Variants in KIFC3 observed in about 807,000 individuals in gnomAD.
KIFC3 encodes the protein kinesin-like protein KIFC3.
KIFC3 carries 60 observed loss-of-function variants against 101.8 expected under a neutral mutation model. The observed-to-expected ratio is 0.59, with a 90% CI of 0.48 to 0.73. The LOEUF (loss-of-function observed/expected upper bound fraction) is 0.73. Among genes scored for constraint, KIFC3 ranks in the 30% least tolerant of loss-of-function variants. The pLI, the probability that KIFC3 is intolerant of heterozygous loss-of-function variation, is 0.00. For missense variants in KIFC3, 966 were observed against 1,137.1 expected (o/e 0.85, Z 2.16); for synonymous variants, 476 against 482.7 (o/e 0.99, Z 0.18).
Position 57,761,162 on chromosome 16 carries a change from ACT to A in KIFC3, c.1880_1881del (p.Glu627ValfsTer5). 1 of 1,613,842 alleles carries A rather than the reference ACT, an allele frequency of 6.2e-7. No homozygotes were observed. The highest frequency in any genetic ancestry group is 8.5e-7 in the Non-Finnish European group (1 of 1,179,928). ...QSVDDINKVF[E>X]FGHTNRTTEF... is the part of the protein sequence containing the mutation. ...TCGGTCGTGCGATTAGTGTGGCCAA[ACT>A]CAAACACCTGGGGGATTGGGAGGAG... On this transcript the variant is annotated frameshift_variant, in exon 15 of 20. Coordinates refer to ENST00000445690, the MANE Select transcript of KIFC3 (RefSeq NM_001130100.2). LOFTEE classifies it high-confidence loss of function.
intron 1 of KIFC3, among the ~76,000 whole-genome samples, chr16:57,841,765 G>A (rs914492660): frequency 2.0e-5 from 3 of 152,102 alleles, no homozygotes; most frequent in Non-Finnish European, 2.9e-5. Context: ...TCAAATGCGC[G>A]TTGCCCTCAG....
chr16:57,764,498 C>T, intron 11 of KIFC3: 1 of 509,720 alleles, frequency 2.0e-6, no homozygotes, highest in Non-Finnish European at 3.6e-6. Context: ...GCTCCTCCTG[C>T]TCTCTCTCAA....
chr16:57,805,710 CTG>C (rs2054921480), upstream of KIFC3, among the ~76,000 whole-genome samples: 2 of 139,202 alleles, frequency 1.4e-5, no homozygotes, highest in Non-Finnish European at 3.0e-5. Flanking sequence ...GAGTCTCACT[CTG>C]TTGCCCAGGC....
intron 1 of KIFC3, among the ~76,000 whole-genome samples, chr16:57,824,796 A>C (rs1414200953): frequency 6.6e-6 from 1 of 152,046 alleles, no homozygotes; most frequent in Non-Finnish European, 1.5e-5. Context: ...CCAGCCCTGC[A>C]CCCCCGGTAC....
upstream of KIFC3, chr16:57,802,657 C>T (rs1157700992): frequency 3.0e-6 from 3 of 1,003,824 alleles, no homozygotes; most frequent in Non-Finnish European, 3.9e-6. This position sits in a 1 kb window ranked among gnomAD's most constrained non-coding sequence, Gnocchi z 5.0. Flanking sequence ...GGCACTCCCA[C>T]TCCCACTCCC....
At chr16:57,827,804 G>T (rs972380217) in intron 1 of KIFC3, among the ~76,000 whole-genome samples, 2 of 152,206 alleles carry the variant, frequency 1.3e-5, no homozygotes, top group African/African-American at 2.4e-5. Flanking sequence ...GTTCTAGAAG[G>T]TTCCATCCTG....
In KIFC3 at chr16:57,802,418, G is replaced by A; in HGVS notation, c.-88C>T. ...GGCGTCGCCGCAGCGCCCGGGGCTC[G>A]GCCCGGCCCGGCCCGCCGGCAGGAG... On this transcript the variant is annotated 5_prime_UTR_variant, in exon 1 of 20. Coordinates refer to ENST00000445690, the MANE Select transcript of KIFC3 (RefSeq NM_001130100.2). This position sits in a 1 kb window ranked among gnomAD's most constrained non-coding sequence, Gnocchi z 5.0. 2 of 982,708 alleles carry A rather than the reference G, an allele frequency of 2.0e-6. No individual in the cohort carries two copies. The highest frequency in any genetic ancestry group is 4.7e-5 in the South Asian group (1 of 21,366). The allele number at this position is 982,708 out of a possible 1,614,324, so 60.9% of individuals were successfully genotyped here.
At chr16:57,814,721 G>C (rs1237712230) in intron 1 of KIFC3, among the ~76,000 whole-genome samples, 3 of 152,012 alleles carry the variant, frequency 2.0e-5, no homozygotes, top group East Asian at 3.9e-4. Context: ...TGCCTCCCAG[G>C]TTCAAGCAAT....
intron 12 of KIFC3, 101 bp from the exon 13 acceptor site, chr16:57,762,371 C>T: frequency 7.8e-7 from 1 of 1,276,428 alleles, no homozygotes; most frequent in Non-Finnish European, 1.0e-6. Flanking sequence ...CACAAGCAAG[C>T]CTCCTTGCCC....
At chr16:57,802,949 G>A (rs2054835247), upstream of KIFC3, 1 of 1,533,292 alleles carries the variant, frequency 6.5e-7, no homozygotes, top group Non-Finnish European at 8.7e-7. The surrounding 1 kb of genome is among the most constrained non-coding windows in gnomAD (Gnocchi z 5.0). Context: ...ACACACACAA[G>A]CTCTTACTCA....
At chr16:57,859,018 A>G (rs2056238545) in intron 1 of KIFC3, among the ~76,000 whole-genome samples, 1 of 152,264 alleles carries the variant, frequency 6.6e-6, no homozygotes, top group Non-Finnish European at 1.5e-5. Context: ...ATGTATATGA[A>G]GACAGACAAA....
chr16:57,860,434 C>T (rs995164937), intron 1 of KIFC3, among the ~76,000 whole-genome samples: 10 of 152,108 alleles, frequency 6.6e-5, no homozygotes, highest in African/African-American at 2.4e-4. Flanking sequence ...GCCTGGGCAA[C>T]AGGAGTGAAA....
At chr16:57,856,188 A>G (rs60591917) in intron 1 of KIFC3, among the ~76,000 whole-genome samples, 3 of 151,442 alleles carry the variant, frequency 2.0e-5, no homozygotes, top group African/African-American at 7.3e-5. Flanking sequence ...TTAAAAAAAA[A>G]GAAAAAAAAA....
rs528343209 is a variant in KIFC3 at position 57,761,615 on chromosome 16, G to A, written c.1749-79C>T. The A allele has an allele frequency of 1.8e-4, 271 of 1,536,986 alleles. 1 individual carries two copies. In the East Asian group the frequency reaches 6.0e-3, roughly 34 times the overall value. ...GCACTGCACCCAGCCCCCCAGCCAG[G>A]AATGTTCCCCCAACCCAGGAAGCCT... On this transcript the variant is annotated intron_variant, in intron 13 of 19. Transcript: ENST00000445690.
intron 4 of KIFC3, 146 bp downstream of exon 4, chr16:57,772,077 G>A: frequency 2.8e-6 from 2 of 711,270 alleles, no homozygotes; most frequent in Non-Finnish European, 4.7e-6. Context: ...ACTAGGAGGT[G>A]GGGATAAGGC....
chr16:57,766,092 G>A (rs1165618352), intron 10 of KIFC3, among the ~76,000 whole-genome samples: 1 of 152,208 alleles, frequency 6.6e-6, no homozygotes, highest in Admixed American at 6.5e-5. Context: ...GATGACTGGT[G>A]GTGTATCTGA....
At chr16:57,790,110 C>T (rs1362496699) in intron 3 of KIFC3, among the ~76,000 whole-genome samples, 4 of 118,188 alleles carry the variant, frequency 3.4e-5, no homozygotes, top group African/African-American at 1.3e-4. Context: ...GACAGAGTTT[C>T]ACTCTGTGGC....
intron 3 of KIFC3, among the ~76,000 whole-genome samples, chr16:57,790,380 CTT>C (rs200519923): frequency 3.1e-5 from 4 of 129,220 alleles, no homozygotes; most frequent in Non-Finnish European, 4.8e-5. Flanking sequence ...CCATGCCCAG[CTT>C]TTTTTTTTTT....
At chr16:57,785,567 T>G in intron 3 of KIFC3, 1 of 1,288,094 alleles carries the variant, frequency 7.8e-7, no homozygotes, top group Non-Finnish European at 1.0e-6. Context: ...CTTCTCGTCC[T>G]GGAGCTGGGA....
Sources: gnomAD v4.1 joint callset for allele counts (sites outside exome capture counted in the v4.1 genomes callset) on GRCh38, gnomAD v4.1.1 for gene constraint, Gnocchi (gnomAD v3.1) non-coding constraint, MANE v1.5 for transcripts, NCBI Gene and HGNC (gene_info 2026-07-23, HGNC 2026-07-21) for gene names.